SULF1: variants seen among roughly 807,000 people sequenced by gnomAD.
SULF1 encodes the protein extracellular sulfatase Sulf-1.
Under a neutral mutation model 110.5 loss-of-function variants are expected in SULF1, and 46 were observed. The ratio of observed to expected loss-of-function variants is 0.42; its 90% CI spans 0.33 to 0.53. The LOEUF (loss-of-function observed/expected upper bound fraction) is 0.53. SULF1 is among the 20% of genes least tolerant of loss of function. SULF1 has a pLI of 0.12. For synonymous variants in SULF1, 371 were observed against 387.1 expected, an observed-to-expected ratio of 0.96 and a Z score of 0.49; for missense variants, 941 against 1,094.2, an observed-to-expected ratio of 0.86 and a Z score of 1.98.
intron 22 of SULF1, among the ~76,000 whole-genome samples, chr8:69,650,869 C>T (rs1318797961): frequency 6.6e-6 from 1 of 152,038 alleles, no homozygotes; most frequent in Non-Finnish European, 1.5e-5. Flanking sequence ...TGCCACTCCA[C>T]ATTTGGAAAC....
In SULF1 at chr8:69,660,585, T is replaced by C. The variant is rs1359160525; in HGVS notation, c.*2050T>C. On this transcript the variant is annotated 3_prime_UTR_variant, in exon 23 of 23. Transcript: ENST00000402687. ...ATAATTCAAGTGCTTAGATAAATTA[T>C]GTTTTCTTTAAGTGTTTATGGTAAA... 3 of 152,696 alleles carry C rather than the reference T, an allele frequency of 2.0e-5. No individual in the cohort carries two copies. The highest frequency in any genetic ancestry group is 4.4e-5 in the Non-Finnish European group (3 of 68,048). The allele number at this position is 152,696 out of a possible 1,614,324, so 9.5% of individuals were successfully genotyped here.
intron 3 of SULF1, among the ~76,000 whole-genome samples, chr8:69,542,823 G>A (rs1297486300): frequency 6.6e-6 from 1 of 152,118 alleles, no homozygotes; most frequent in Non-Finnish European, 1.5e-5. Flanking sequence ...AGAGGAAGGT[G>A]GTGAAATTAA....
intron 15 of SULF1, among the ~76,000 whole-genome samples, chr8:69,626,663 C>T (rs1489854875): frequency 2.0e-5 from 3 of 152,222 alleles, no homozygotes; most frequent in East Asian, 1.9e-4. Context: ...AGAAATCGAG[C>T]GCAGCGCCGG....
intron 1 of SULF1, among the ~76,000 whole-genome samples, chr8:69,475,896 TA>T (rs1185112566): frequency 6.6e-6 from 1 of 151,898 alleles, no homozygotes; most frequent in Non-Finnish European, 1.5e-5. Context: ...GCCTTAGATT[TA>T]AAAAAAAATT....
At chr8:69,595,677 A>G (rs968299548) in intron 8 of SULF1, among the ~76,000 whole-genome samples, 2 of 152,214 alleles carry the variant, frequency 1.3e-5, no homozygotes, top group East Asian at 3.8e-4. Flanking sequence ...TGGTTCTGCT[A>G]CCAGTAATCT....
chr8:69,612,637 G>C (rs981445539), intron 13 of SULF1, among the ~76,000 whole-genome samples: 6 of 152,074 alleles, frequency 3.9e-5, no homozygotes, highest in Admixed American at 2.6e-4. Flanking sequence ...CTTGTTGGCT[G>C]TTTGTGTATC....
In SULF1 at chr8:69,638,994, C is replaced by A. The variant is rs995152479; in HGVS notation, c.2551+136C>A. The A allele has an allele frequency of 4.5e-6, 4 of 894,632 alleles. No homozygotes were observed. The African/African-American group carries it at 5.1e-5, about 11-fold the overall frequency. 55.4% of individuals were successfully genotyped at this position (894,632 alleles called of 1,614,324 possible). On this transcript the variant is annotated intron_variant, in intron 21 of 22. Transcript: ENST00000402687. ...TAGAGGAGACACTTTCCAGGCAATT[C>A]TAAATACAATTTGATCTCTAAGTTT... is the stretch of plus-strand genomic sequence containing the variant.
chr8:69,549,649 T>C (rs538435336), intron 3 of SULF1, among the ~76,000 whole-genome samples: 2 of 152,174 alleles, frequency 1.3e-5, no homozygotes, highest in Admixed American at 1.3e-4. Context: ...CTCATTAAGG[T>C]GTGGGTTAAG....
intron 2 of SULF1, among the ~76,000 whole-genome samples, chr8:69,499,084 C>A (rs1436168525): frequency 6.6e-6 from 1 of 152,154 alleles, no homozygotes. Context: ...GTCTTGAACT[C>A]CTGACTTCAA....
intron 3 of SULF1, among the ~76,000 whole-genome samples, chr8:69,519,423 CAT>C (rs1024410373): frequency 4.9e-4 from 74 of 152,028 alleles, no homozygotes; most frequent in African/African-American, 1.1e-3. Flanking sequence ...GCTTCTGTAA[CAT>C]GTGGGGTTTT....
At chr8:69,535,236 C>T (rs966998106) in intron 3 of SULF1, among the ~76,000 whole-genome samples, 2 of 152,196 alleles carry the variant, frequency 1.3e-5, no homozygotes, top group Non-Finnish European at 2.9e-5. Context: ...AATGTGGCTG[C>T]TCCAGCTCCA....
At chr8:69,516,295 G>A (rs1288317390) in intron 3 of SULF1, among the ~76,000 whole-genome samples, 2 of 152,110 alleles carry the variant, frequency 1.3e-5, no homozygotes, top group Non-Finnish European at 1.5e-5. Flanking sequence ...TACAATCATG[G>A]CAGAATGGCA....
At chr8:69,495,662 G>A (rs892003587) in intron 1 of SULF1, 103 bp from the exon 2 acceptor site, 1 of 152,184 alleles carries the variant, frequency 6.6e-6, no homozygotes, top group African/African-American at 2.4e-5. Context: ...CTTCAGAAAT[G>A]AGCAGAGACT....
At position 69,549,765 on chromosome 8, in the gene SULF1, C is replaced by T. The variant is rs61706693; in HGVS notation, c.-133-13774C>T. On this transcript the variant is annotated intron_variant, in intron 3 of 22. Transcript: ENST00000402687. Reference sequence around the variant, plus strand: ...AATTATTTCACCTTCTGCCTTGTCACCAAGGATTAATTAATCATTGCAAGT... The same window carrying T: ...AATTATTTCACCTTCTGCCTTGTCATCAAGGATTAATTAATCATTGCAAGT... 6.5e-3 allele frequency among the ~76,000 whole-genome samples: 995 copies of T among 152,212 alleles called. 13 individuals carry two copies. Among genetic ancestry groups the T allele is most frequent in the African/African-American group, 0.023 (957 of 41,532 alleles).
chr8:69,548,190 C>T (rs1814420440), intron 3 of SULF1, among the ~76,000 whole-genome samples: 1 of 152,118 alleles, frequency 6.6e-6, no homozygotes, highest in African/African-American at 2.4e-5. Context: ...TGGTGTCTCC[C>T]TCATGTATTA....
At chr8:69,586,230 G>A in intron 6 of SULF1, 127 bp from the exon 7 acceptor site, 1 of 841,384 alleles carries the variant, frequency 1.2e-6, no homozygotes, top group Non-Finnish European at 1.7e-6. Flanking sequence ...TGTCATTTTG[G>A]CATTCACTAT....
intron 3 of SULF1, among the ~76,000 whole-genome samples, chr8:69,506,892 A>G (rs1811233891): frequency 1.3e-5 from 2 of 152,210 alleles, no homozygotes; most frequent in Non-Finnish European, 2.9e-5. Flanking sequence ...CACTAAAATG[A>G]AATCAGCTCA....
chr8:69,564,690 T>C (rs995054253), intron 5 of SULF1, among the ~76,000 whole-genome samples: 14 of 152,232 alleles, frequency 9.2e-5, no homozygotes, highest in Admixed American at 7.8e-4. Context: ...TTTATTTAGC[T>C]TGCCTAGGCT....
At position 69,627,224 on chromosome 8, in the gene SULF1, C is replaced by G; in HGVS notation, c.1865C>G (p.Pro622Arg). 1 of 1,613,710 alleles carries G rather than the reference C, an allele frequency of 6.2e-7. No individual in the cohort carries two copies. The highest frequency in any genetic ancestry group is 8.5e-7 in the Non-Finnish European group (1 of 1,179,748). The change falls in exon 16 of 23, where the codon CCC (proline) becomes CGC (arginine). Residue 622 changes from proline to arginine, a missense_variant. This residue lies in a region of SULF1 where 822 missense variants were observed against 934.3 expected (regional missense o/e 0.88). Coordinates refer to ENST00000402687, the MANE Select transcript of SULF1 (RefSeq NM_001128205.2). ...TTGTTTTGCAGGTGTTTTATTCTTC[C>G]CAATGACTCTATCCATTGTGAGAGA... ...VRVTHKCFIL[P>R]NDSIHCEREL...
Sources: gnomAD v4.1 joint callset for allele counts (sites outside exome capture counted in the v4.1 genomes callset) on GRCh38, gnomAD v4.1.1 for gene constraint, gnomAD v4.1.1 regional missense constraint, MANE v1.5 for transcripts, NCBI Gene and HGNC (gene_info 2026-07-23, HGNC 2026-07-21) for gene names.